SP100: variants seen among roughly 807,000 people sequenced by gnomAD.
The protein encoded by SP100 is SP100 nuclear body protein, also known as nuclear autoantigen Sp-100.
In SP100, 84 loss-of-function variants were observed where a neutral mutation model predicts 130.0. The observed-to-expected ratio is 0.65, with a 90% CI of 0.54 to 0.77. The LOEUF is 0.77. Among genes scored for constraint, SP100 ranks in the 30% least tolerant of loss-of-function variants. SP100 has a pLI of 0.00. For missense variants in SP100, 978 were observed against 1,052.2 expected, an observed-to-expected ratio of 0.93 and a Z score of 0.97; for synonymous variants, 331 against 351.7, an observed-to-expected ratio of 0.94 and a Z score of 0.66.
chr2:230,422,111 A>G (rs1451523724), intron 2 of SP100, among the ~76,000 whole-genome samples: 1 of 152,110 alleles, frequency 6.6e-6, no homozygotes. Flanking sequence ...TCTAGTGATT[A>G]AAACACTTCT....
At chr2:230,420,183 C>G (rs2149854470) in intron 2 of SP100, among the ~76,000 whole-genome samples, 1 of 152,186 alleles carries the variant, frequency 6.6e-6, no homozygotes, top group African/African-American at 2.4e-5. Context: ...TTTACATTTT[C>G]TAGTTATTTC....
intron 15 of SP100, among the ~76,000 whole-genome samples, chr2:230,472,204 G>A (rs559371358): frequency 2.1e-3 from 320 of 151,984 alleles, no homozygotes; most frequent in African/African-American, 6.6e-3. Context: ...CGAGGTGGGC[G>A]GATCACGAGG....
intron 24 of SP100, among the ~76,000 whole-genome samples, chr2:230,523,043 G>A (rs956188017): frequency 2.6e-5 from 4 of 151,678 alleles, no homozygotes; most frequent in South Asian, 2.1e-4. Context: ...TCAAACTCCC[G>A]ATCTCAAATG....
At position 230,464,610 on chromosome 2, in the gene SP100, GC is replaced by G. The variant is rs1182602380; in HGVS notation, c.1141+461del. On this transcript the variant is annotated intron_variant, in intron 11 of 28. Transcript: ENST00000340126. The stretch of plus-strand genomic sequence containing the variant: ...TTGTGCTGCTATTTAATTATTAATG[GC>G]AAAAAAAAAGTGACTTCAACTACAC... Among the ~76,000 whole-genome samples the G allele has an allele frequency of 1.1e-4, 16 of 140,574 alleles. No homozygotes were observed. The South Asian group carries it at 3.8e-3, about 33-fold the overall frequency. The allele number at this position is 140,574 out of a possible 152,430, so 92.2% of individuals were successfully genotyped here. A position where few individuals can be genotyped will look rare whatever the true frequency, so the allele number is the denominator to read the frequency against.
At chr2:230,531,636 C>G (rs1039394075) in intron 24 of SP100, among the ~76,000 whole-genome samples, 5 of 151,930 alleles carry the variant, frequency 3.3e-5, no homozygotes, top group African/African-American at 1.2e-4. Context: ...AAGCATGAAG[C>G]CAGATGTAGT....
intron 24 of SP100, among the ~76,000 whole-genome samples, chr2:230,532,225 T>A (rs192125736): frequency 0.018 from 1,949 of 107,450 alleles, 39 homozygotes; most frequent in African/African-American, 0.049. Context: ...TAGAAAAAAA[T>A]AAATAAATAA....
intron 2 of SP100, among the ~76,000 whole-genome samples, chr2:230,438,648 T>TATATATATACACACAC (rs1246055755): frequency 1.6e-5 from 2 of 127,402 alleles, no homozygotes; most frequent in Admixed American, 8.2e-5. Context: ...TGTATATATA[T>TATATATATACACACAC]ACACACACAC....
At chr2:230,532,455 T>C (rs1691743400) in intron 24 of SP100, among the ~76,000 whole-genome samples, 1 of 152,118 alleles carries the variant, frequency 6.6e-6, no homozygotes, top group Admixed American at 6.6e-5. Context: ...GAAATTATAC[T>C]AATTGGGATT....
chr2:230,531,538 T>C (rs1177797803), intron 24 of SP100, among the ~76,000 whole-genome samples: 1 of 151,718 alleles, frequency 6.6e-6, no homozygotes, highest in East Asian at 1.9e-4. Flanking sequence ...TTAAAGTATA[T>C]TTAAAAAAAG....
At chr2:230,523,730 G>A (rs1040873429) in intron 24 of SP100, among the ~76,000 whole-genome samples, 1 of 152,018 alleles carries the variant, frequency 6.6e-6, no homozygotes, top group African/African-American at 2.4e-5. Context: ...CCAACATGGA[G>A]AAACCTTGTC....
intron 24 of SP100, among the ~76,000 whole-genome samples, chr2:230,532,252 A>G (rs995203961): frequency 6.6e-6 from 1 of 152,056 alleles, no homozygotes; most frequent in African/African-American, 2.4e-5. Flanking sequence ...TAAGTTCTGA[A>G]AAGTAATAGC....
intron 3 of SP100, among the ~76,000 whole-genome samples, chr2:230,443,481 G>A (rs909931864): frequency 3.3e-5 from 5 of 152,190 alleles, no homozygotes; most frequent in African/African-American, 1.2e-4. Context: ...TGAAATAGCA[G>A]TTGACACAGC....
At chr2:230,444,398 T>A (rs770820734) in intron 4 of SP100, 52 bp downstream of exon 4, 1 of 1,436,320 alleles carries the variant, frequency 7.0e-7, no homozygotes, top group African/African-American at 1.4e-5. Context: ...GTTTTTTCAA[T>A]AAGTATATAC....
rs1417777163 is a variant in SP100 at position 230,527,677 on chromosome 2, C to G, written c.2095-11590C>G. Among the ~76,000 whole-genome samples the G allele has an allele frequency of 2.0e-5, 3 of 152,016 alleles. No homozygotes were observed. In the East Asian group the frequency reaches 5.8e-4, roughly 29 times the overall value. On this transcript the variant is annotated intron_variant, in intron 24 of 28. Coordinates refer to ENST00000340126, the MANE Select transcript of SP100 (RefSeq NM_001080391.2). ...CATCAGTGTGCTGTATTCAGGAGAC[C>G]CAACTCACATGCAAAGACACACATA...
At chr2:230,436,927 A>ATATAT (rs879558808) in intron 2 of SP100, among the ~76,000 whole-genome samples, 7,557 of 66,794 alleles carry the variant, frequency 0.11, 304 homozygotes, top group Non-Finnish European at 0.14. Flanking sequence ...TATACACACA[A>ATATAT]GTGTATACAC....
intron 24 of SP100, among the ~76,000 whole-genome samples, chr2:230,526,134 C>T (rs1199761748): frequency 6.6e-6 from 1 of 152,218 alleles, no homozygotes; most frequent in East Asian, 1.9e-4. Context: ...GGTAGCCTGA[C>T]TGGGAAACCC....
intron 17 of SP100, among the ~76,000 whole-genome samples, chr2:230,484,177 G>C (rs549742385): frequency 6.6e-6 from 1 of 152,242 alleles, no homozygotes; most frequent in South Asian, 2.1e-4. Flanking sequence ...GACCACAAAC[G>C]GACTCTTGTT....
At position 230,543,191 on chromosome 2, in the gene SP100, C is replaced by A; in HGVS notation, c.*245C>A. The A allele has an allele frequency of 3.1e-6, 1 of 323,102 alleles. No individual in the cohort carries two copies. The highest frequency in any genetic ancestry group is 5.8e-6 in the Non-Finnish European group (1 of 173,646). 20.0% of individuals were successfully genotyped at this position (323,102 alleles called of 1,614,324 possible). A position where few individuals can be genotyped will look rare whatever the true frequency, so the allele number is the denominator to read the frequency against. Reference sequence around the variant, plus strand: ...TAATAAGAGCCATTTATGACAAACCCACAGACAACATTATATGGAATGCGC... The same window carrying A: ...TAATAAGAGCCATTTATGACAAACCAACAGACAACATTATATGGAATGCGC... On this transcript the variant is annotated 3_prime_UTR_variant, in exon 29 of 29. Transcript: ENST00000340126.
In SP100 at chr2:230,450,176, C is replaced by T. The variant is rs2063905739; in HGVS notation, c.741C>T (p.Ser247=). ...QCAQKAEPTE[S]CEQIAVQVNN... ...TGTGATCTCGTTTATCTCCAGAGTC[C>T]TGCGAACAAATTGCTGTCCAAGTGA... The change falls in exon 8 of 29, where the codon TCC becomes TCT. Residue 247 remains serine, a synonymous_variant. Transcript: ENST00000340126. 3.1e-6 allele frequency: 5 copies of T among 1,612,682 alleles called. No individual in the cohort carries two copies. The highest frequency in any genetic ancestry group is 4.2e-6 in the Non-Finnish European group (5 of 1,178,760).
Sources: allele counts gnomAD v4.1 joint callset (sites outside exome capture counted in the v4.1 genomes callset), GRCh38; gene constraint gnomAD v4.1.1; transcripts MANE v1.5; gene names NCBI Gene and HGNC (gene_info 2026-07-23, HGNC 2026-07-21).